Variants in CTNNA2 observed in about 807,000 individuals in gnomAD.
CTNNA2 encodes the protein catenin alpha-2.
CTNNA2 carries 42 observed loss-of-function variants against 101.0 expected under a neutral mutation model. The observed-to-expected ratio is 0.42, with a 90% CI of 0.32 to 0.54. CTNNA2 has a LOEUF of 0.54. CTNNA2 is among the 20% of genes least tolerant of loss of function. The probability of loss-of-function intolerance (pLI) is 0.14; values close to 1 mark genes in which losing one functional copy is unlikely to be tolerated. For missense variants in CTNNA2, 871 were observed against 1,223.1 expected (o/e 0.71, Z 4.29); for synonymous variants, 450 against 456.4 (o/e 0.99, Z 0.18).
chr2:79,279,543 CA>C (rs1675305910), intron 2 of CTNNA2, among the ~76,000 whole-genome samples: 1 of 152,098 alleles, frequency 6.6e-6, no homozygotes, highest in South Asian at 2.1e-4. Flanking sequence ...TCCATGACCA[CA>C]ACAGAAAAGT....
chr2:80,446,964 C>T (rs554285181), intron 9 of CTNNA2, among the ~76,000 whole-genome samples: 1 of 152,164 alleles, frequency 6.6e-6, no homozygotes, highest in Admixed American at 6.5e-5. Context: ...ATTGCACCAA[C>T]ATTTCTTAAC....
intron 7 of CTNNA2, among the ~76,000 whole-genome samples, chr2:80,380,511 C>G (rs767838546): frequency 6.6e-6 from 1 of 152,148 alleles, no homozygotes; most frequent in Non-Finnish European, 1.5e-5. Flanking sequence ...GCTGTTCAGC[C>G]TTTTTCACTT....
In CTNNA2 at chr2:80,399,354, G is replaced by A. The variant is rs113992249; in HGVS notation, c.1137+6063G>A. 3.8e-3 allele frequency among the ~76,000 whole-genome samples: 576 copies of A among 152,272 alleles called. 1 individual carries two copies. Among genetic ancestry groups the A allele is most frequent in the African/African-American group, 0.013 (549 of 41,550 alleles). Reference sequence around the variant, plus strand: ...CTTGAAATATCATCTTGGGCTAGCTGTTCTCTTGTCAAGGTACTATTCAAT... The same window carrying A: ...CTTGAAATATCATCTTGGGCTAGCTATTCTCTTGTCAAGGTACTATTCAAT... On this transcript the variant is annotated intron_variant, in intron 8 of 18. Coordinates refer to ENST00000402739, the MANE Select transcript of CTNNA2 (RefSeq NM_001282597.3).
intron 9 of CTNNA2, among the ~76,000 whole-genome samples, chr2:80,503,410 G>T (rs1307416295): frequency 6.6e-6 from 1 of 152,098 alleles, no homozygotes; most frequent in Non-Finnish European, 1.5e-5. Flanking sequence ...ATGGTTGCCA[G>T]ACTTTTATTC....
In CTNNA2 at chr2:80,364,196, T is replaced by C. The variant is rs1674683697; in HGVS notation, c.1057-29015T>C. Among the ~76,000 whole-genome samples the C allele has an allele frequency of 2.0e-5, 3 of 152,268 alleles. No homozygotes were observed. The South Asian group carries it at 6.2e-4, about 32-fold the overall frequency. On this transcript the variant is annotated intron_variant, in intron 7 of 18. Coordinates refer to ENST00000402739, the MANE Select transcript of CTNNA2 (RefSeq NM_001282597.3). ...CAGGAGAAAGCTGTACCACTGAGATTGCTAAAAATAACTGTTCTCCTGTCT... is the reference window on the plus strand; with the variant it reads ...CAGGAGAAAGCTGTACCACTGAGATCGCTAAAAATAACTGTTCTCCTGTCT...
intron 2 of CTNNA2, among the ~76,000 whole-genome samples, chr2:79,224,462 C>T (rs1275513296): frequency 1.3e-5 from 2 of 152,128 alleles, no homozygotes; most frequent in Non-Finnish European, 2.9e-5. Context: ...TACCTATATA[C>T]CTGTGCATCA....
intron 9 of CTNNA2, among the ~76,000 whole-genome samples, chr2:80,449,336 A>T (rs1683313611): frequency 6.6e-6 from 1 of 151,684 alleles, no homozygotes. Context: ...CACTAAATAA[A>T]ATACACTTCT....
intron 8 of CTNNA2, among the ~76,000 whole-genome samples, chr2:80,397,724 T>C (rs1678154032): frequency 6.6e-6 from 1 of 152,140 alleles, no homozygotes; most frequent in Admixed American, 6.5e-5. Context: ...AGGTATGTTT[T>C]TATTAGAAGC....
intron 7 of CTNNA2, among the ~76,000 whole-genome samples, chr2:80,259,505 A>C (rs948622057): frequency 6.6e-6 from 1 of 152,090 alleles, no homozygotes; most frequent in African/African-American, 2.4e-5. Flanking sequence ...CCTCTTCACA[A>C]TGACCTTCCT....
intron 7 of CTNNA2, chr2:80,298,782 T>G (rs1387409026): frequency 1.3e-5 from 2 of 152,232 alleles, no homozygotes. Flanking sequence ...GAATAACCTT[T>G]CCTTTGCGAT....
chr2:80,038,879 A>G lies in CTNNA2; in HGVS notation c.1056+129082A>G, dbSNP rs1427385988. ...ATAAAATAATAAAATAAAATAAGATAAAATGTGAATTCTGTATCACTTTAT... is the reference window on the plus strand; with the variant it reads ...ATAAAATAATAAAATAAAATAAGATGAAATGTGAATTCTGTATCACTTTAT... On this transcript the variant is annotated intron_variant, in intron 7 of 18. Transcript: ENST00000402739. Among the ~76,000 whole-genome samples the G allele has an allele frequency of 7.2e-5, 11 of 152,270 alleles. No homozygotes were observed. The East Asian group carries it at 1.9e-3, about 27-fold the overall frequency.
chr2:79,338,698 A>G (rs1056179521), intron 3 of CTNNA2, among the ~76,000 whole-genome samples: 1 of 151,410 alleles, frequency 6.6e-6, no homozygotes, highest in Non-Finnish European at 1.5e-5. Context: ...AGGGCAAAAT[A>G]TAATAATGGA....
At chr2:79,716,360 T>C (rs920751290) in intron 2 of CTNNA2, among the ~76,000 whole-genome samples, 1 of 152,198 alleles carries the variant, frequency 6.6e-6, no homozygotes, top group Non-Finnish European at 1.5e-5. Flanking sequence ...GGTGGTTTGC[T>C]GCACAGATCA....
rs899141604 is a variant in CTNNA2 at position 79,271,715 on chromosome 2, G to A, written c.-405-40994G>A. ...AACAGACAGTGAGGAAGAAGGCTAC[G>A]TCCCTAGGGCAGGTCAGGAGGCCTT... On this transcript the variant is annotated intron_variant, in intron 2 of 21. Transcript: ENST00000466387. 7.9e-5 allele frequency among the ~76,000 whole-genome samples: 12 copies of A among 152,086 alleles called. 1 individual carries two copies. Among genetic ancestry groups the A allele is most frequent in the South Asian group, 6.2e-4 (3 of 4,814 alleles).
chr2:80,036,421 C>A (rs1186705817), intron 7 of CTNNA2, among the ~76,000 whole-genome samples: 1 of 151,970 alleles, frequency 6.6e-6, no homozygotes, highest in African/African-American at 2.4e-5. Flanking sequence ...AGCAATACCC[C>A]ATCTCTACAG....
At chr2:80,186,609 T>TTTCTCA in intron 7 of CTNNA2, among the ~76,000 whole-genome samples, 1 of 152,244 alleles carries the variant, frequency 6.6e-6, no homozygotes. Flanking sequence ...ATTATTCTTT[T>TTTCTCA]TTCTCATTTC....
chr2:80,234,267 A>C (rs1476049558), intron 7 of CTNNA2, among the ~76,000 whole-genome samples: 1 of 152,110 alleles, frequency 6.6e-6, no homozygotes, highest in Non-Finnish European at 1.5e-5. Flanking sequence ...CCTGACCTCA[A>C]GTGATCCACC....
At chr2:80,065,711 C>A (rs59997606) in intron 7 of CTNNA2, among the ~76,000 whole-genome samples, 3 of 152,040 alleles carry the variant, frequency 2.0e-5, no homozygotes, top group African/African-American at 7.3e-5. Flanking sequence ...TTTCTCCATA[C>A]CTTACAGTGT....
upstream of CTNNA2, among the ~76,000 whole-genome samples, chr2:79,512,433 GACTCC>G (rs1553417530): frequency 6.6e-6 from 1 of 151,690 alleles, no homozygotes; most frequent in Non-Finnish European, 1.5e-5. Context: ...CTCCCCTCGG[GACTCC>G]ACATCCCAAC....
Sources: allele counts gnomAD v4.1 joint callset (sites outside exome capture counted in the v4.1 genomes callset), GRCh38; gene constraint gnomAD v4.1.1; transcripts MANE v1.5; gene names NCBI Gene and HGNC (gene_info 2026-07-23, HGNC 2026-07-21).